Variants in STT3B observed in about 807,000 individuals in gnomAD.
The protein encoded by STT3B is STT3 oligosaccharyltransferase complex catalytic subunit B, also known as dolichyl-diphosphooligosaccharide--protein glycosyltransferase subunit STT3B.
Under a neutral mutation model 96.8 loss-of-function variants are expected in STT3B, and 29 were observed. The observed-to-expected ratio is 0.30, with a 90% CI of 0.22 to 0.41. The LOEUF (loss-of-function observed/expected upper bound fraction) is 0.41, where lower values mean the gene tolerates loss of function less well. Among genes scored for constraint, STT3B ranks in the 10% least tolerant of loss-of-function variants. STT3B has a pLI of 1.00. For missense variants in STT3B, 640 were observed against 1,022.3 expected, an observed-to-expected ratio of 0.63 and a Z score of 5.10; for synonymous variants, 367 against 360.0, an observed-to-expected ratio of 1.02 and a Z score of -0.22.
At chr3:31,575,114 A>G (rs896282555) in intron 1 of STT3B, among the ~76,000 whole-genome samples, 3 of 152,106 alleles carry the variant, frequency 2.0e-5, no homozygotes, top group African/African-American at 4.8e-5. Context: ...TTATAGCTAC[A>G]CTAGTACTAT....
chr3:31,550,357 C>T (rs1457115140), intron 1 of STT3B, among the ~76,000 whole-genome samples: 2 of 152,166 alleles, frequency 1.3e-5, no homozygotes, highest in Non-Finnish European at 2.9e-5. Flanking sequence ...CTCTGTGTTG[C>T]TCAAAGTAGA....
intron 5 of STT3B, among the ~76,000 whole-genome samples, chr3:31,602,005 T>C (rs1237979914): frequency 1.3e-5 from 2 of 152,090 alleles, no homozygotes; most frequent in Non-Finnish European, 2.9e-5. Flanking sequence ...ACACCTCTTA[T>C]CCCAGCTACT....
At chr3:31,537,693 T>C (rs548815863) in intron 1 of STT3B, among the ~76,000 whole-genome samples, 12 of 152,244 alleles carry the variant, frequency 7.9e-5, no homozygotes, top group African/African-American at 2.9e-4. Context: ...GTAGTTTGCA[T>C]AAAGACAACA....
At chr3:31,583,224 A>G (rs1698451316) in intron 3 of STT3B, among the ~76,000 whole-genome samples, 1 of 152,138 alleles carries the variant, frequency 6.6e-6, no homozygotes, top group African/African-American at 2.4e-5. Flanking sequence ...AGGTACATAA[A>G]TGTTTGCAAT....
chr3:31,578,574 C>CA (rs1698308640), intron 2 of STT3B, among the ~76,000 whole-genome samples: 1 of 151,680 alleles, frequency 6.6e-6, no homozygotes, highest in East Asian at 1.9e-4. Flanking sequence ...TTTTCCCCCC[C>CA]AGTATTGCTG....
intron 1 of STT3B, among the ~76,000 whole-genome samples, chr3:31,544,470 T>C (rs955971597): frequency 6.6e-6 from 1 of 152,200 alleles, no homozygotes; most frequent in African/African-American, 2.4e-5. Context: ...CCTGACAAAA[T>C]GGTCAGCTCT....
chr3:31,596,521 G>A (rs1698795490), intron 3 of STT3B, among the ~76,000 whole-genome samples: 1 of 152,054 alleles, frequency 6.6e-6, no homozygotes. Flanking sequence ...AAGAGACTTT[G>A]CAGAAAATGA....
intron 14 of STT3B, among the ~76,000 whole-genome samples, chr3:31,630,795 GT>G (rs11328286): frequency 0.68 from 102,233 of 150,640 alleles, 35,498 homozygotes; most frequent in Non-Finnish European, 0.76. Flanking sequence ...TTTTTGTGGT[GT>G]TTTTTTTGTT....
Position 31,533,298 on chromosome 3 carries a change from C to T in STT3B, c.300C>T (p.His100=). Residue 100 remains histidine, a synonymous_variant, in exon 1 of 16, where the codon CAC becomes CAT. Transcript: ENST00000295770. ...TCATCCGCTTCGAAAGCATCATCCA[C>T]GAGTTCGACCCGTGGTAAGTGCCTC... ...FAVIRFESII[H]EFDPWFNYRS... 1 of 1,536,138 alleles carries T rather than the reference C, an allele frequency of 6.5e-7. No homozygotes were observed. Among genetic ancestry groups the T allele is most frequent in the African/African-American group, 1.4e-5 (1 of 69,882 alleles).
chr3:31,618,832 T>G (rs1265689291), intron 8 of STT3B, among the ~76,000 whole-genome samples: 2 of 152,072 alleles, frequency 1.3e-5, no homozygotes, highest in African/African-American at 4.8e-5. Flanking sequence ...TTATTCTGAT[T>G]AGGTTAAATT....
At chr3:31,621,850 CTAAT>C (rs755129139) in intron 9 of STT3B, among the ~76,000 whole-genome samples, 136 of 152,266 alleles carry the variant, frequency 8.9e-4, no homozygotes, top group Non-Finnish European at 1.4e-3. Context: ...TTCTTCATAA[CTAAT>C]TAAATTTGAA....
chr3:31,624,229 C>CT (rs909252819), intron 11 of STT3B, among the ~76,000 whole-genome samples: 3 of 152,160 alleles, frequency 2.0e-5, no homozygotes, highest in African/African-American at 7.2e-5. Context: ...CCCGTGCACT[C>CT]TCCCCCGCCC....
At chr3:31,550,168 A>C (rs1295805186) in intron 1 of STT3B, among the ~76,000 whole-genome samples, 1 of 152,224 alleles carries the variant, frequency 6.6e-6, no homozygotes, top group Non-Finnish European at 1.5e-5. Context: ...GTTAAGGCAG[A>C]AATTAAGAGA....
At position 31,628,172 on chromosome 3, in the gene STT3B, CATG is replaced by C. The variant is rs954024760; in HGVS notation, c.2074-1125_2074-1123del. The stretch of plus-strand genomic sequence containing the variant: ...CCATTTCACAGTGCATATTTCAAAA[CATG>C]GTGTACACCATAAATATACACAAAT... On this transcript the variant is annotated intron_variant, in intron 13 of 15. Transcript: ENST00000295770. Among the ~76,000 whole-genome samples, 152 of 119,662 alleles carry C rather than the reference CATG, an allele frequency of 1.3e-3. 2 individuals are homozygous for C. The highest frequency in any genetic ancestry group is 4.8e-3 in the African/African-American group (149 of 31,040). The allele number at this position is 119,662 out of a possible 152,430, so 78.5% of individuals were successfully genotyped here. A position where few individuals can be genotyped will look rare whatever the true frequency, so the allele number is the denominator to read the frequency against.
At chr3:31,616,094 AAGGC>A (rs1392985827) in intron 6 of STT3B, among the ~76,000 whole-genome samples, 2 of 151,956 alleles carry the variant, frequency 1.3e-5, no homozygotes, top group Non-Finnish European at 2.9e-5. Context: ...AAATTTTAAA[AAGGC>A]AGGGAAACTG....
chr3:31,605,679 C>T (rs569035391), intron 5 of STT3B, among the ~76,000 whole-genome samples: 86 of 152,294 alleles, frequency 5.6e-4, no homozygotes, highest in African/African-American at 1.8e-3. Flanking sequence ...TTATAAATTA[C>T]CCAGTTTCAG....
intron 1 of STT3B, chr3:31,533,719 C>T (rs1697010345): frequency 6.4e-6 from 1 of 155,754 alleles, no homozygotes. Flanking sequence ...GTCGATTCCC[C>T]GCCCTCCTCG....
chr3:31,614,557 A>G (rs1699261333), intron 5 of STT3B, among the ~76,000 whole-genome samples: 1 of 151,938 alleles, frequency 6.6e-6, no homozygotes, highest in African/African-American at 2.4e-5. Context: ...ACTTCTGTGT[A>G]CTTAGTTCTT....
At chr3:31,579,343 A>T (rs1359951775) in intron 2 of STT3B, among the ~76,000 whole-genome samples, 2 of 151,796 alleles carry the variant, frequency 1.3e-5, no homozygotes, top group South Asian at 2.1e-4. Context: ...TATAAATATG[A>T]CTTAAATAAT....
Sources: gnomAD v4.1 joint callset for allele counts (sites outside exome capture counted in the v4.1 genomes callset) on GRCh38, gnomAD v4.1.1 for gene constraint, MANE v1.5 for transcripts, NCBI Gene and HGNC (gene_info 2026-07-23, HGNC 2026-07-21) for gene names.